The following TMBIM4 variants were observed in gnomAD, a reference collection of about 807,000 sequenced individuals.
The protein encoded by TMBIM4 is transmembrane BAX inhibitor motif containing 4, also known as protein lifeguard 4.
A neutral mutation model predicts 27.7 loss-of-function variants in TMBIM4; 28 were observed. The observed-to-expected ratio is 1.01, with a 90% CI of 0.75 to 1.38. The LOEUF is 1.38. Among genes scored for constraint, TMBIM4 ranks in the 40% most tolerant of loss-of-function variants. The pLI is 0.00. For synonymous variants in TMBIM4, 115 were observed against 113.1 expected (o/e 1.02, Z -0.11); for missense variants, 265 against 277.5 (o/e 0.95, Z 0.32).
At chr12:66,161,906 A>G (rs1030002714) in intron 1 of TMBIM4, among the ~76,000 whole-genome samples, 6 of 152,194 alleles carry the variant, frequency 3.9e-5, no homozygotes, top group Non-Finnish European at 7.3e-5. Flanking sequence ...AAACCACTTG[A>G]TATAGTTGGA....
At chr12:66,158,294 A>G (rs974552526) in intron 1 of TMBIM4, among the ~76,000 whole-genome samples, 14 of 151,094 alleles carry the variant, frequency 9.3e-5, no homozygotes, top group East Asian at 3.9e-4. Flanking sequence ...CATAAAGAGT[A>G]TAATTGTAAA....
chr12:66,153,877 C>T (rs991517516), intron 1 of TMBIM4, among the ~76,000 whole-genome samples: 1 of 152,056 alleles, frequency 6.6e-6, no homozygotes, highest in African/African-American at 2.4e-5. Flanking sequence ...AATAGTAAAA[C>T]TATTTCCCCC....
chr12:66,154,977 A>G (rs2051908037), intron 1 of TMBIM4, among the ~76,000 whole-genome samples: 1 of 152,172 alleles, frequency 6.6e-6, no homozygotes, highest in Non-Finnish European at 1.5e-5. Flanking sequence ...TGTCCATTGT[A>G]TTTTGGCTTA....
intron 1 of TMBIM4, chr12:66,169,452 G>A: frequency 3.9e-6 from 2 of 510,748 alleles, no homozygotes. Context: ...AAAACATCAG[G>A]CCGTGGATTC....
chr12:66,148,728 G>A (rs867992985), intron 3 of TMBIM4, among the ~76,000 whole-genome samples: 43 of 152,282 alleles, frequency 2.8e-4, no homozygotes, highest in Middle Eastern at 3.4e-3. Flanking sequence ...TTTACATGAA[G>A]AGAAATAAAC....
chr12:66,158,475 C>T (rs2136875668), intron 1 of TMBIM4, among the ~76,000 whole-genome samples: 1 of 151,726 alleles, frequency 6.6e-6, no homozygotes, highest in East Asian at 2.0e-4. Flanking sequence ...CCCGTCTCTA[C>T]TAAAAATACA....
rs532357074 is a variant in TMBIM4, at chr12:66,138,377, C to T, written c.511-211G>A. 4.3e-5 allele frequency: 27 copies of T among 622,746 alleles called. No individual in the cohort carries two copies. In the African/African-American group the frequency reaches 5.1e-4, roughly 12 times the overall value. The allele number at this position is 622,746 out of a possible 1,614,324, so 38.6% of individuals were successfully genotyped here. Reference sequence around the variant, plus strand: ...GAATGAGTGGTTATATTCCATTAAACTAAATTACCCACTTTGAAAAACAGC... The same window carrying T: ...GAATGAGTGGTTATATTCCATTAAATTAAATTACCCACTTTGAAAAACAGC... On this transcript the variant is annotated intron_variant, in intron 6 of 6. Coordinates refer to ENST00000358230, the MANE Select transcript of TMBIM4 (RefSeq NM_016056.4).
At chr12:66,147,837 A>G (rs1565783537) in intron 4 of TMBIM4, 71 bp downstream of exon 4, 1 of 1,276,970 alleles carries the variant, frequency 7.8e-7, no homozygotes, top group Non-Finnish European at 1.1e-6. Context: ...AGCCCCAAAT[A>G]CCTTTTTACC....
At chr12:66,153,776 G>T (rs1291566201) in intron 1 of TMBIM4, among the ~76,000 whole-genome samples, 1 of 151,988 alleles carries the variant, frequency 6.6e-6, no homozygotes, top group Non-Finnish European at 1.5e-5. Flanking sequence ...ACTAAAAGCA[G>T]AACATTTTAA....
At chr12:66,165,262 A>T (rs78102350) in intron 1 of TMBIM4, among the ~76,000 whole-genome samples, 512 of 152,088 alleles carry the variant, frequency 3.4e-3, no homozygotes, top group African/African-American at 0.012. Context: ...AACAATATCT[A>T]AAAAAAACAA....
At chr12:66,147,577 G>A (rs1417558240) in intron 4 of TMBIM4, among the ~76,000 whole-genome samples, 1 of 152,102 alleles carries the variant, frequency 6.6e-6, no homozygotes, top group Non-Finnish European at 1.5e-5. Flanking sequence ...CAAAGTACGT[G>A]GCTCAGAACA....
intron 1 of TMBIM4, among the ~76,000 whole-genome samples, chr12:66,157,948 C>T (rs756255740): frequency 5.9e-5 from 9 of 152,132 alleles, no homozygotes; most frequent in Non-Finnish European, 1.3e-4. Context: ...AAAGATGGGC[C>T]AGGCATGGTG....
At chr12:66,152,204 T>A in intron 3 of TMBIM4, 67 bp downstream of exon 3, 2 of 869,162 alleles carry the variant, frequency 2.3e-6, no homozygotes, top group Non-Finnish European at 3.4e-6. Flanking sequence ...TATATATGTA[T>A]TATATATGCA....
rs1046174188 is a variant in TMBIM4, at chr12:66,152,990, G to A, written c.206+350C>T. ...GCTAGTCATGAGCCAAAACTAAAAT[G>A]AACGCACATTTATTTTTCAAGTACT... On this transcript the variant is annotated intron_variant, in intron 2 of 6. Coordinates refer to ENST00000358230, the MANE Select transcript of TMBIM4 (RefSeq NM_016056.4). Among the ~76,000 whole-genome samples the A allele has an allele frequency of 2.0e-5, 3 of 152,064 alleles. No homozygotes were observed. In the East Asian group the frequency reaches 5.8e-4, roughly 29 times the overall value.
At chr12:66,160,209 T>A (rs1400677182) in intron 1 of TMBIM4, 1 of 703,440 alleles carries the variant, frequency 1.4e-6, no homozygotes, top group Non-Finnish European at 2.6e-6. Context: ...TCTACCAGAT[T>A]GCCGGAGATG....
intron 3 of TMBIM4, among the ~76,000 whole-genome samples, chr12:66,150,322 C>T (rs1254081717): frequency 6.6e-6 from 1 of 152,184 alleles, no homozygotes; most frequent in East Asian, 1.9e-4. Flanking sequence ...TAACAGCCTA[C>T]AATGTGACCT....
At chr12:66,150,441 G>T (rs929840656) in intron 3 of TMBIM4, among the ~76,000 whole-genome samples, 1 of 149,562 alleles carries the variant, frequency 6.7e-6, no homozygotes, top group African/African-American at 2.5e-5. Flanking sequence ...TTAAGACAGG[G>T]TCTCACTCTG....
At chr12:66,152,947 ACTT>A (rs2051873274) in intron 2 of TMBIM4, among the ~76,000 whole-genome samples, 1 of 151,912 alleles carries the variant, frequency 6.6e-6, no homozygotes, top group Non-Finnish European at 1.5e-5. Context: ...TCTTTTGAAA[ACTT>A]CTTGGTGAAA....
intron 3 of TMBIM4, among the ~76,000 whole-genome samples, chr12:66,149,018 T>C (rs970703600): frequency 2.6e-5 from 4 of 152,140 alleles, no homozygotes; most frequent in African/African-American, 4.8e-5. Flanking sequence ...CTACCTGATA[T>C]CAGGAAACCA....
Sources: gnomAD v4.1 joint callset for allele counts (sites outside exome capture counted in the v4.1 genomes callset) on GRCh38, gnomAD v4.1.1 for gene constraint, MANE v1.5 for transcripts, NCBI Gene and HGNC (gene_info 2026-07-23, HGNC 2026-07-21) for gene names.